SPATA21: variants seen among roughly 807,000 people sequenced by gnomAD.
SPATA21 encodes the protein spermatogenesis-associated protein 21.
In SPATA21, 47 loss-of-function variants were observed where a neutral mutation model predicts 54.8. The ratio of observed to expected loss-of-function variants is 0.86; its 90% CI spans 0.68 to 1.09. SPATA21 has a LOEUF of 1.09. SPATA21 is among the 50% of genes least tolerant of loss of function. SPATA21 has a pLI of 0.00. For synonymous variants in SPATA21, 245 were observed against 235.3 expected, an observed-to-expected ratio of 1.04 and a Z score of -0.38; for missense variants, 599 against 596.4, an observed-to-expected ratio of 1.00 and a Z score of -0.05.
In SPATA21 at chr1:16,421,929, G is replaced by C. The variant is rs1341600918; in HGVS notation, c.77C>G (p.Pro26Arg). The C allele has an allele frequency of 6.2e-7, 1 of 1,614,174 alleles. No homozygotes were observed. The highest frequency in any genetic ancestry group is 8.5e-7 in the Non-Finnish European group (1 of 1,180,012). The change falls in exon 4 of 13, where the codon CCT (proline) becomes CGT (arginine). Residue 26 changes from proline (P) to arginine (R), a missense_variant. Pro to Arg is a moderately radical substitution (Grantham distance 103). Coordinates refer to ENST00000335496, the MANE Select transcript of SPATA21 (RefSeq NM_198546.1). This position sits in a 1 kb window ranked among gnomAD's most constrained non-coding sequence, Gnocchi z 5.2. ...VNPFLPSTPG[P>R]KKAKGGGEAV... Reference sequence around the variant, plus strand: ...GACTTACCCTCCTTTTGCTTTTTTAGGTCCAGGCGTGGATGGCAGGAAGGG... The same window carrying C: ...GACTTACCCTCCTTTTGCTTTTTTACGTCCAGGCGTGGATGGCAGGAAGGG...
At chr1:16,403,931 CTCCAGT>C (rs760227996) in intron 9 of SPATA21, 31 bp downstream of exon 9, 1 of 1,612,144 alleles carries the variant, frequency 6.2e-7, no homozygotes, top group Admixed American at 1.7e-5. Flanking sequence ...CCAGCCCCTC[CTCCAGT>C]TCTGACTACG....
chr1:16,406,882 A>G (rs908747202), intron 7 of SPATA21, among the ~76,000 whole-genome samples: 11 of 152,204 alleles, frequency 7.2e-5, no homozygotes, highest in Non-Finnish European at 1.5e-4. Context: ...GAAGAAAGCA[A>G]CCTGCCGACC....
chr1:16,432,496 C>T (rs1341615760), intron 2 of SPATA21, among the ~76,000 whole-genome samples: 2 of 152,090 alleles, frequency 1.3e-5, no homozygotes, highest in Non-Finnish European at 1.5e-5. Flanking sequence ...ACCCCCTACA[C>T]AAACTTTCTG....
chr1:16,402,009 T>C (rs2085462337), intron 10 of SPATA21, among the ~76,000 whole-genome samples: 1 of 152,130 alleles, frequency 6.6e-6, no homozygotes, highest in Non-Finnish European at 1.5e-5. Flanking sequence ...ACTAACACCG[T>C]GGGCCAAGGG....
intron 5 of SPATA21, among the ~76,000 whole-genome samples, chr1:16,412,941 A>G (rs529055236): frequency 9.2e-5 from 14 of 151,716 alleles, no homozygotes; most frequent in Non-Finnish European, 1.9e-4. Flanking sequence ...GCACTACCAT[A>G]CCCGGCTAGT....
chr1:16,401,015 G>A, intron 10 of SPATA21, 123 bp from the exon 11 acceptor site: 1 of 1,189,966 alleles, frequency 8.4e-7, no homozygotes, highest in Non-Finnish European at 1.2e-6. Flanking sequence ...AGGAAACCTG[G>A]CTTCTAGTCT....
intron 5 of SPATA21, among the ~76,000 whole-genome samples, chr1:16,416,326 G>A (rs2086005226): frequency 6.6e-6 from 1 of 152,242 alleles, no homozygotes; most frequent in Admixed American, 6.5e-5. Context: ...GGTGGGCCTT[G>A]GACCCACCCA....
intron 3 of SPATA21, chr1:16,424,914 T>A (rs1474110557): frequency 1.1e-5 from 3 of 278,576 alleles, no homozygotes; most frequent in African/African-American, 6.9e-5. Flanking sequence ...AAGACTTATT[T>A]TTATTTTATT....
intron 10 of SPATA21, among the ~76,000 whole-genome samples, chr1:16,402,493 C>T (rs1211594083): frequency 2.0e-5 from 3 of 151,428 alleles, no homozygotes; most frequent in Non-Finnish European, 2.9e-5. Flanking sequence ...GATCTCCTGA[C>T]CTTGTGATCC....
At chr1:16,433,563 A>C (rs924086330) in intron 1 of SPATA21, among the ~76,000 whole-genome samples, 1 of 152,006 alleles carries the variant, frequency 6.6e-6, no homozygotes. Context: ...CACACCCCCT[A>C]TTGTCCACTG....
At chr1:16,435,252 T>C (rs1262199639) in intron 1 of SPATA21, among the ~76,000 whole-genome samples, 4 of 152,212 alleles carry the variant, frequency 2.6e-5, no homozygotes, top group African/African-American at 9.6e-5. Flanking sequence ...GCCGATAATG[T>C]TGGACATCTT....
Position 16,409,849 on chromosome 1 carries a change from C to A in SPATA21, c.339G>T (p.Ser113=). 1.2e-6 allele frequency: 2 copies of A among 1,603,820 alleles called. No individual in the cohort carries two copies. Among genetic ancestry groups the A allele is most frequent in the Non-Finnish European group, 1.7e-6 (2 of 1,175,696 alleles). The change falls in exon 6 of 13, where the codon TCG becomes TCT. Residue 113 remains serine, a synonymous_variant. Transcript: ENST00000335496. This position sits in a 1 kb window ranked among gnomAD's most constrained non-coding sequence, Gnocchi z 4.1. The part of the protein sequence containing the change: ...SKARSQTAQK[S]PRTLTPVPTS... ...TGGGCACCGGGGTCAGGGTCCTGGG[C>A]GACTTCTGGGCTGTCTGGGACCGGG...
rs1473575855 is a variant in SPATA21, at chr1:16,410,073, C to T, written c.145-30G>A. On this transcript the variant is annotated intron_variant, in intron 5 of 12. Transcript: ENST00000335496. ...GGACAGGGGAGGGGATCCAGGAGGC[C>T]TCTAGTGGGCCAGAGTGTCCCACAA... 2.0e-6 allele frequency: 3 copies of T among 1,501,150 alleles called. No individual in the cohort carries two copies. In the East Asian group the frequency reaches 6.9e-5, roughly 34 times the overall value. 93.0% of individuals were successfully genotyped at this position (1,501,150 alleles called of 1,614,324 possible).
chr1:16,415,715 A>G (rs1221303174), intron 5 of SPATA21, among the ~76,000 whole-genome samples: 2 of 152,034 alleles, frequency 1.3e-5, no homozygotes, highest in African/African-American at 4.8e-5. Context: ...GCCCGCCACC[A>G]TGCCTGGCTA....
chr1:16,419,714 C>T (rs1040933355), intron 5 of SPATA21, among the ~76,000 whole-genome samples: 10 of 152,018 alleles, frequency 6.6e-5, no homozygotes, highest in South Asian at 2.1e-4. Context: ...CTGAGGCGGG[C>T]GGATCACCGG....
Position 16,409,313 on chromosome 1 carries a change from G to C in SPATA21, c.588-110C>G. On this transcript the variant is annotated intron_variant, in intron 6 of 12. Coordinates refer to ENST00000335496, the MANE Select transcript of SPATA21 (RefSeq NM_198546.1). The surrounding 1 kb of genome is among the most constrained non-coding windows in gnomAD (Gnocchi z 4.1). ...GGAGGAGGTCGTGGGGGAGGCTTTG[G>C]GGAGCCCGGAGAGATCAAGAATGGC... 6.7e-6 allele frequency: 8 copies of C among 1,195,236 alleles called. No homozygotes were observed. The highest frequency in any genetic ancestry group is 3.9e-5 in the Admixed American group (2 of 50,930). The allele number at this position is 1,195,236 out of a possible 1,614,324, so 74.0% of individuals were successfully genotyped here. A position where few individuals can be genotyped will look rare whatever the true frequency, so the allele number is the denominator to read the frequency against.
chr1:16,418,860 T>C (rs1240490092), intron 5 of SPATA21, among the ~76,000 whole-genome samples: 2 of 152,228 alleles, frequency 1.3e-5, no homozygotes, highest in African/African-American at 2.4e-5. Flanking sequence ...ATTTCTCATC[T>C]GACTTCTCAC....
rs202234050 is a variant in SPATA21 at position 16,398,725 on chromosome 1, C to T, written c.*40G>A. 3.1e-6 allele frequency: 5 copies of T among 1,612,178 alleles called. No homozygotes were observed. In the African/African-American group the frequency reaches 4.0e-5, roughly 13 times the overall value. On this transcript the variant is annotated 3_prime_UTR_variant, in exon 13 of 13. Coordinates refer to ENST00000335496, the MANE Select transcript of SPATA21 (RefSeq NM_198546.1). Reference sequence around the variant, plus strand: ...TCCTGCCTGGTGGCCCATCTGTCTACAGGCCTTGAGCAGCTGCCTAGAGTC... The same window carrying T: ...TCCTGCCTGGTGGCCCATCTGTCTATAGGCCTTGAGCAGCTGCCTAGAGTC...
At chr1:16,412,546 G>A (rs1039755187) in intron 5 of SPATA21, among the ~76,000 whole-genome samples, 3 of 149,746 alleles carry the variant, frequency 2.0e-5, no homozygotes, top group East Asian at 2.0e-4. Context: ...CACTGCAACC[G>A]CTGCCTCCCG....
Sources: gnomAD v4.1 joint callset for allele counts (sites outside exome capture counted in the v4.1 genomes callset) on GRCh38, gnomAD v4.1.1 for gene constraint, Gnocchi (gnomAD v3.1) non-coding constraint, MANE v1.5 for transcripts, NCBI Gene and HGNC (gene_info 2026-07-23, HGNC 2026-07-21) for gene names.